The following RBM44 variants were observed in gnomAD, a reference collection of about 807,000 sequenced individuals.
RBM44 encodes RNA binding motif protein 44, also known as RNA-binding protein 44.
A neutral mutation model predicts 105.1 loss-of-function variants in RBM44; 66 were observed. The ratio of observed to expected loss-of-function variants is 0.63; its 90% CI spans 0.52 to 0.77. The LOEUF (loss-of-function observed/expected upper bound fraction) is 0.77, where lower values mean the gene tolerates loss of function less well. Among genes scored for constraint, RBM44 ranks in the 30% least tolerant of loss-of-function variants. The pLI is 0.00. For synonymous variants in RBM44, 365 were observed against 417.6 expected (o/e 0.87, Z 1.54); for missense variants, 1,122 against 1,207.8 (o/e 0.93, Z 1.05).
At position 237,829,201 on chromosome 2, in the gene RBM44, T is replaced by G; in HGVS notation, c.2601-16T>G. 1 of 1,577,964 alleles carries G rather than the reference T, an allele frequency of 6.3e-7. No homozygotes were observed. On this transcript the variant is annotated splice_polypyrimidine_tract_variant and intron_variant, in intron 12 of 15. Coordinates refer to ENST00000316997, the MANE Select transcript of RBM44 (RefSeq NM_001080504.3). Reference sequence around the variant, plus strand: ...AGTCATTAACAACCTTTTGGTTTTCTGCTCTTATGTTTTAGATATGCATCT... The same window carrying G: ...AGTCATTAACAACCTTTTGGTTTTCGGCTCTTATGTTTTAGATATGCATCT...
Position 237,818,498 on chromosome 2 carries a change from A to G in RBM44, c.1579A>G (p.Ser527Gly), listed in dbSNP as rs747632429. The G allele has an allele frequency of 5.0e-6, 8 of 1,612,306 alleles. No individual in the cohort carries two copies. The highest frequency in any genetic ancestry group is 6.8e-6 in the Non-Finnish European group (8 of 1,179,096). ...SVACSTDWSY[S>G]EDCIDTQMAI... ...GGCTTGTAGTACAGATTGGTCATAC[A>G]GTGAAGATTGTATAGATACACAGAT... is the stretch of plus-strand genomic sequence containing the variant. Residue 527 changes from serine (S) to glycine (G), a missense_variant, in exon 3 of 16, where the codon AGT becomes GGT. Physicochemically the swap from Ser to Gly is moderately conservative, Grantham distance 56. Around this residue, in one of 3 missense-constraint regions of RBM44, gnomAD observed 918 missense variants for 955.3 expected, o/e 0.96. Transcript: ENST00000316997. The surrounding 1 kb of genome is among the most constrained non-coding windows in gnomAD (Gnocchi z 4.6).
At chr2:237,805,596 T>C (rs2061591512) in intron 1 of RBM44, among the ~76,000 whole-genome samples, 1 of 152,230 alleles carries the variant, frequency 6.6e-6, no homozygotes, top group South Asian at 2.1e-4. Context: ...ATTAGTCATA[T>C]GCAGAAGATT....
chr2:237,834,614 C>A (rs955479116), intron 15 of RBM44, 191 bp downstream of exon 15: 17 of 266,990 alleles, frequency 6.4e-5, no homozygotes, highest in African/African-American at 3.4e-4. Flanking sequence ...CTAAAATTGA[C>A]TGGCTTAAAC....
rs1265055702 is a variant in RBM44 at position 237,803,550 on chromosome 2, T to A, written c.-19+4689T>A. ...AGCGTCTCCTTTTGGATATATGGATTGTGAATACTTTATTCCAGTCTTTGG... is the reference window on the plus strand; with the variant it reads ...AGCGTCTCCTTTTGGATATATGGATAGTGAATACTTTATTCCAGTCTTTGG... On this transcript the variant is annotated intron_variant, in intron 1 of 15. Transcript: ENST00000316997. The surrounding 1 kb of genome is among the most constrained non-coding windows in gnomAD (Gnocchi z 4.2). Among the ~76,000 whole-genome samples the A allele has an allele frequency of 6.6e-6, 1 of 152,226 alleles. No individual in the cohort carries two copies. The highest frequency in any genetic ancestry group is 1.5e-5 in the Non-Finnish European group (1 of 68,042).
intron 8 of RBM44, among the ~76,000 whole-genome samples, chr2:237,822,034 G>T (rs758219470): frequency 2.0e-5 from 3 of 152,004 alleles, no homozygotes; most frequent in East Asian, 3.8e-4. Context: ...GTTGAGTAGG[G>T]TGACCATATA....
At chr2:237,825,667 C>G (rs1033100938) in intron 10 of RBM44, among the ~76,000 whole-genome samples, 26 of 152,174 alleles carry the variant, frequency 1.7e-4, no homozygotes, top group African/African-American at 5.5e-4. Context: ...TGTTTACTGC[C>G]TATCTCCAGT....
intron 1 of RBM44, among the ~76,000 whole-genome samples, chr2:237,809,283 C>T (rs1430872887): frequency 6.6e-6 from 1 of 151,950 alleles, no homozygotes; most frequent in Non-Finnish European, 1.5e-5. Context: ...AGGTCTATTA[C>T]CTCTTTGTTT....
rs759727310 is a variant in RBM44, at chr2:237,821,833, G to A, written c.2205+6G>A. On this transcript the variant is annotated splice_donor_region_variant and intron_variant, in intron 8 of 15. Coordinates refer to ENST00000316997, the MANE Select transcript of RBM44 (RefSeq NM_001080504.3). The stretch of plus-strand genomic sequence containing the variant: ...TAAAAAAGACACTCTCTCAAGTAAG[G>A]GTCCTTGAAAGTTCATCAATGCAAA... The A allele has an allele frequency of 1.3e-6, 2 of 1,585,480 alleles. No individual in the cohort carries two copies. Among genetic ancestry groups the A allele is most frequent in the South Asian group, 1.1e-5 (1 of 89,902 alleles).
At chr2:237,836,708 A>T (rs2061962644) in intron 15 of RBM44, among the ~76,000 whole-genome samples, 1 of 149,520 alleles carries the variant, frequency 6.7e-6, no homozygotes, top group Non-Finnish European at 1.5e-5. Context: ...TGAACCTGGG[A>T]GGCAGAGGTT....
intron 1 of RBM44, among the ~76,000 whole-genome samples, chr2:237,802,601 G>C (rs2061556539): frequency 6.6e-6 from 1 of 152,140 alleles, no homozygotes; most frequent in Non-Finnish European, 1.5e-5. Flanking sequence ...CTTATATCAG[G>C]TAAGTTTGGG....
rs1480222672 is a variant in RBM44, at chr2:237,817,738, T to C, written c.819T>C (p.Tyr273=). The C allele has an allele frequency of 6.2e-7, 1 of 1,612,232 alleles. No individual in the cohort carries two copies. The highest frequency in any genetic ancestry group is 8.5e-7 in the Non-Finnish European group (1 of 1,179,100). ...AGAATTCTGTTATGTTAAGAGAATA[T>C]CATGACCTAAAGCATGAAAAGTATA... The part of the protein sequence containing the change: ...KFQNSVMLRE[Y]HDLKHEKYKE... The change falls in exon 3 of 16, where the codon TAT becomes TAC. Residue 273 remains tyrosine, a synonymous_variant. Coordinates refer to ENST00000316997, the MANE Select transcript of RBM44 (RefSeq NM_001080504.3).
intron 10 of RBM44, among the ~76,000 whole-genome samples, chr2:237,825,045 G>T (rs1277086606): frequency 6.6e-6 from 1 of 151,214 alleles, no homozygotes; most frequent in Non-Finnish European, 1.5e-5. Context: ...GCTTATTATG[G>T]TTTTTTTAAT....
chr2:237,814,149 GAT>G (rs907308404), intron 2 of RBM44, among the ~76,000 whole-genome samples: 5 of 151,962 alleles, frequency 3.3e-5, no homozygotes, highest in Non-Finnish European at 5.9e-5. Context: ...AAACTATTAA[GAT>G]ATATATATTC....
At position 237,834,150 on chromosome 2, in the gene RBM44, C is replaced by T. The variant is rs762250879; in HGVS notation, c.3032+8C>T. 1.9e-6 allele frequency: 3 copies of T among 1,551,048 alleles called. No individual in the cohort carries two copies. Among genetic ancestry groups the T allele is most frequent in the African/African-American group, 1.4e-5 (1 of 72,664 alleles). ...GCATCCAGAAGTCAGCAGGTAATAA[C>T]CAAAATTATATTTTAACTGCTTTAA... On this transcript the variant is annotated splice_region_variant and intron_variant, in intron 14 of 15. Transcript: ENST00000316997.
intron 1 of RBM44, among the ~76,000 whole-genome samples, chr2:237,806,734 G>C (rs2061602645): frequency 6.6e-6 from 1 of 152,184 alleles, no homozygotes; most frequent in Non-Finnish European, 1.5e-5. Context: ...CTTGAGACTT[G>C]TCAAACACTA....
Position 237,803,480 on chromosome 2 carries a change from A to G in RBM44, c.-19+4619A>G, listed in dbSNP as rs1319612489. ...TGAGCATGTTTTCATACCTATAAGC[A>G]ATTTAAAAAATCTATTTGTACAAGT... On this transcript the variant is annotated intron_variant, in intron 1 of 15. Coordinates refer to ENST00000316997, the MANE Select transcript of RBM44 (RefSeq NM_001080504.3). This position sits in a 1 kb window ranked among gnomAD's most constrained non-coding sequence, Gnocchi z 4.2. Among the ~76,000 whole-genome samples the G allele has an allele frequency of 6.6e-6, 1 of 152,228 alleles. No homozygotes were observed. The highest frequency in any genetic ancestry group is 1.9e-4 in the East Asian group (1 of 5,202).
rs370480920 is a variant in RBM44, at chr2:237,817,251, C to T, written c.332C>T (p.Thr111Ile). The change falls in exon 3 of 16, where the codon ACA becomes ATA. Residue 111 changes from threonine to isoleucine, a missense_variant. Physicochemically the swap from Thr to Ile is moderately conservative, Grantham distance 89. Coordinates refer to ENST00000316997, the MANE Select transcript of RBM44 (RefSeq NM_001080504.3). ...ACTGACTATGCTTTCTTGAATAAAA[C>T]ATATTCTATACCTTATTCAGAGTCA... The part of the protein sequence containing the change: ...DSTDYAFLNK[T>I]YSIPYSESKL... The T allele has an allele frequency of 8.1e-6, 13 of 1,604,980 alleles. 1 individual carries two copies. In the South Asian group the frequency reaches 1.2e-4, roughly 15 times the overall value.
Position 237,817,198 on chromosome 2 carries a change from G to C in RBM44, c.279G>C (p.Gln93His). ...AAGATACTAACACAGAGAGTACTCA[G>C]TTTCAGTCAAGTGAACTTGAAGACA... ...VSQDTNTESTQFQSSELEDST... is the reference protein window; with the variant it reads ...VSQDTNTESTHFQSSELEDST... Residue 93 changes from glutamine (Q) to histidine (H), a missense_variant, in exon 3 of 16, where the codon CAG becomes CAC. Physicochemically the swap from Gln to His is conservative, Grantham distance 24. Transcript: ENST00000316997. 2 of 1,601,796 alleles carry C rather than the reference G, an allele frequency of 1.2e-6. No individual in the cohort carries two copies. Among genetic ancestry groups the C allele is most frequent in the Non-Finnish European group, 1.7e-6 (2 of 1,175,032 alleles).
At chr2:237,828,826 T>A (rs2061875013) in intron 12 of RBM44, among the ~76,000 whole-genome samples, 1 of 148,712 alleles carries the variant, frequency 6.7e-6, no homozygotes, top group Non-Finnish European at 1.5e-5. Flanking sequence ...CTCTCACATT[T>A]AAGCCTTTAA....
Sources: gnomAD v4.1 joint callset for allele counts (sites outside exome capture counted in the v4.1 genomes callset) on GRCh38, gnomAD v4.1.1 for gene constraint, gnomAD v4.1.1 regional missense constraint, Gnocchi (gnomAD v3.1) non-coding constraint, MANE v1.5 for transcripts, NCBI Gene and HGNC (gene_info 2026-07-23, HGNC 2026-07-21) for gene names.